Variants in L3MBTL3 observed in about 807,000 individuals in gnomAD.
L3MBTL3 encodes L3MBTL histone methyl-lysine binding protein 3.
Under a neutral mutation model 102.3 loss-of-function variants are expected in L3MBTL3, and 27 were observed. The ratio of observed to expected loss-of-function variants is 0.26; its 90% CI spans 0.19 to 0.36. The LOEUF (loss-of-function observed/expected upper bound fraction) is 0.36. Among genes scored for constraint, L3MBTL3 ranks in the 10% least tolerant of loss-of-function variants. L3MBTL3 has a pLI of 1.00. For missense variants in L3MBTL3, 798 were observed against 955.3 expected (o/e 0.84, Z 2.17); for synonymous variants, 340 against 320.9 (o/e 1.06, Z -0.64).
Position 130,139,561 on chromosome 6 carries a change from C to T in L3MBTL3, c.2200-49C>T, listed in dbSNP as rs765993716. ...ATTTAACCTTGAATATTTTCTACAA[C>T]ACTGCATCTTGTTAATCCACATTCT... On this transcript the variant is annotated intron_variant, in intron 22 of 22. Coordinates refer to ENST00000361794, the MANE Select transcript of L3MBTL3 (RefSeq NM_032438.4). The T allele has an allele frequency of 6.4e-6, 10 of 1,555,100 alleles. No individual in the cohort carries two copies. In the Admixed American group the frequency reaches 1.7e-4, roughly 26 times the overall value.
At chr6:130,023,502 C>T (rs931129967) in intron 2 of L3MBTL3, among the ~76,000 whole-genome samples, 5 of 152,038 alleles carry the variant, frequency 3.3e-5, no homozygotes, top group East Asian at 3.8e-4. Context: ...TCTTTGTCTG[C>T]GGAGTCACTG....
At chr6:130,107,992 G>C (rs905915534) in intron 19 of L3MBTL3, among the ~76,000 whole-genome samples, 2 of 152,148 alleles carry the variant, frequency 1.3e-5, no homozygotes, top group African/African-American at 2.4e-5. Context: ...GGTGTTTTCT[G>C]TTCCTCCAGA....
At chr6:130,049,726 T>A in intron 4 of L3MBTL3, 30 bp from the exon 5 acceptor site, 1 of 1,613,748 alleles carries the variant, frequency 6.2e-7, no homozygotes, top group East Asian at 2.2e-5. Flanking sequence ...AACACCTATA[T>A]GCTGATGACT....
chr6:130,025,676 A>G (rs1779296379), intron 2 of L3MBTL3, among the ~76,000 whole-genome samples: 1 of 152,144 alleles, frequency 6.6e-6, no homozygotes, highest in South Asian at 2.1e-4. Context: ...GGAATTGATT[A>G]GTTGGATGGT....
chr6:130,043,013 G>T (rs969509605), intron 3 of L3MBTL3, among the ~76,000 whole-genome samples: 1 of 152,194 alleles, frequency 6.6e-6, no homozygotes, highest in African/African-American at 2.4e-5. Flanking sequence ...GGGGAGTAAG[G>T]AATGTTTCTG....
intron 12 of L3MBTL3, among the ~76,000 whole-genome samples, chr6:130,070,399 T>G (rs1008215113): frequency 6.6e-6 from 1 of 152,234 alleles, no homozygotes; most frequent in African/African-American, 2.4e-5. Flanking sequence ...GCCAATTCTT[T>G]TGCTGCTATT....
intron 18 of L3MBTL3, among the ~76,000 whole-genome samples, chr6:130,103,697 T>C (rs1455540088): frequency 6.6e-6 from 1 of 152,196 alleles, no homozygotes; most frequent in Non-Finnish European, 1.5e-5. Context: ...GCTGAAGACC[T>C]GGGCACAGGA....
chr6:130,073,541 A>G (rs148110659), intron 13 of L3MBTL3, among the ~76,000 whole-genome samples: 2 of 152,330 alleles, frequency 1.3e-5, no homozygotes, highest in African/African-American at 4.8e-5. Context: ...ATTTGAACAA[A>G]ATAGGTGAAT....
intron 19 of L3MBTL3, among the ~76,000 whole-genome samples, chr6:130,115,363 A>G (rs1426705707): frequency 1.3e-5 from 2 of 152,244 alleles, no homozygotes; most frequent in Admixed American, 1.3e-4. Flanking sequence ...ATTTCAATCT[A>G]CATGGCAATC....
intron 3 of L3MBTL3, among the ~76,000 whole-genome samples, chr6:130,045,632 C>G (rs1437520180): frequency 6.6e-6 from 1 of 151,966 alleles, no homozygotes; most frequent in Non-Finnish European, 1.5e-5. Context: ...ATACTGCTGT[C>G]TAAAGAGAGA....
At chr6:130,083,084 C>T (rs1412975795) in intron 14 of L3MBTL3, among the ~76,000 whole-genome samples, 1 of 152,156 alleles carries the variant, frequency 6.6e-6, no homozygotes, top group Non-Finnish European at 1.5e-5. Context: ...GATATTTTTA[C>T]ACATTCTATT....
Position 130,139,960 on chromosome 6 carries a change from C to A in L3MBTL3, c.*207C>A. 1 of 371,898 alleles carries A rather than the reference C, an allele frequency of 2.7e-6. No individual in the cohort carries two copies. Among genetic ancestry groups the A allele is most frequent in the Admixed American group, 5.5e-5 (1 of 18,024 alleles). The allele number at this position is 371,898 out of a possible 1,614,324, so 23.0% of individuals were successfully genotyped here. On this transcript the variant is annotated 3_prime_UTR_variant, in exon 23 of 23. Transcript: ENST00000361794. ...TAACCAGGTACTGTCTAACAACAGT[C>A]ATCTTTTGGTTCTGTTCACTGAGCT...
chr6:130,078,600 T>C lies in L3MBTL3; in HGVS notation c.1287T>C (p.Cys429=), dbSNP rs1400912455. 1.9e-6 allele frequency: 3 copies of C among 1,611,788 alleles called. No homozygotes were observed. The highest frequency in any genetic ancestry group is 2.5e-6 in the Non-Finnish European group (3 of 1,178,174). Residue 429 remains cysteine (C), a synonymous_variant, in exon 14 of 23, where the codon TGT becomes TGC. Transcript: ENST00000361794. ...CACATATTCATCCAGTTGGTTGGTG[T>C]AAGGAACATAGAAGAACCCTTATTA... ...SSPHIHPVGW[C]KEHRRTLITP...
chr6:130,090,269 T>A (rs1179953190), intron 16 of L3MBTL3, among the ~76,000 whole-genome samples: 2 of 152,118 alleles, frequency 1.3e-5, no homozygotes, highest in Non-Finnish European at 2.9e-5. Flanking sequence ...TATTAACCAG[T>A]CTCCTGATGA....
intron 20 of L3MBTL3, 92 bp downstream of exon 20, chr6:130,121,050 T>G: frequency 1.2e-6 from 1 of 805,304 alleles, no homozygotes; most frequent in South Asian, 1.8e-5. Context: ...CTCTTTTATG[T>G]TAAAAATGAA....
intron 10 of L3MBTL3, among the ~76,000 whole-genome samples, chr6:130,061,842 G>A (rs966182035): frequency 1.1e-4 from 16 of 152,130 alleles, no homozygotes; most frequent in African/African-American, 3.6e-4. Flanking sequence ...AAGGAACAGC[G>A]AGAGACAGAG....
chr6:130,055,452 C>T (rs1767530426), intron 8 of L3MBTL3, among the ~76,000 whole-genome samples, 197 bp downstream of exon 8: 1 of 151,972 alleles, frequency 6.6e-6, no homozygotes, highest in Non-Finnish European at 1.5e-5. Flanking sequence ...TCAGGGTAAG[C>T]ATGAGAACTG....
intron 18 of L3MBTL3, among the ~76,000 whole-genome samples, chr6:130,098,252 G>C (rs185032904): frequency 6.6e-6 from 1 of 152,312 alleles, no homozygotes; most frequent in Admixed American, 6.5e-5. Flanking sequence ...GCCCCTGCAA[G>C]CTGTAAACAT....
intron 2 of L3MBTL3, among the ~76,000 whole-genome samples, chr6:130,035,848 C>A (rs982634118): frequency 1.3e-4 from 20 of 152,108 alleles, no homozygotes; most frequent in African/African-American, 4.6e-4. Flanking sequence ...AGAGGACCCA[C>A]CAGGGTGTAC....
Sources: gnomAD v4.1 joint callset for allele counts (sites outside exome capture counted in the v4.1 genomes callset) on GRCh38, gnomAD v4.1.1 for gene constraint, MANE v1.5 for transcripts, NCBI Gene and HGNC (gene_info 2026-07-23, HGNC 2026-07-21) for gene names.